The following MITF variants were observed in gnomAD, a reference collection of about 807,000 sequenced individuals.
MITF encodes the protein melanocyte inducing transcription factor.
MITF carries 17 observed loss-of-function variants against 60.5 expected under a neutral mutation model. The observed-to-expected ratio is 0.28, with a 90% confidence interval of 0.19 to 0.42. The LOEUF is 0.42. Among genes scored for constraint, MITF ranks in the 10% least tolerant of loss-of-function variants. The pLI, the probability that MITF is intolerant of heterozygous loss-of-function variation, is 1.00. For missense variants in MITF, 622 were observed against 683.5 expected (o/e 0.91, Z 1.00); for synonymous variants, 260 against 248.5 (o/e 1.05, Z -0.43).
At chr3:69,952,035 A>C (rs2066267912) in intron 7 of MITF, 149 bp downstream of exon 7, 5 of 669,610 alleles carry the variant, frequency 7.5e-6, no homozygotes, top group African/African-American at 1.8e-5. Flanking sequence ...ACAGAAACCA[A>C]GGTATATATT....
At chr3:69,876,436 G>A (rs1421698808) in intron 1 of MITF, among the ~76,000 whole-genome samples, 1 of 150,324 alleles carries the variant, frequency 6.7e-6, no homozygotes. Context: ...CACCCGCCAT[G>A]CCCCTCATCA....
chr3:69,912,460 G>A (rs1055344180), intron 2 of MITF, among the ~76,000 whole-genome samples: 10 of 152,118 alleles, frequency 6.6e-5, no homozygotes, highest in Non-Finnish European at 7.4e-5. Flanking sequence ...GTAATGAGGC[G>A]CATCTCAACC....
intron 2 of MITF, among the ~76,000 whole-genome samples, chr3:69,904,953 C>A (rs2065066302): frequency 6.6e-6 from 1 of 152,034 alleles, no homozygotes; most frequent in South Asian, 2.1e-4. Flanking sequence ...ATAGCTATTT[C>A]TTATTATTTT....
chr3:69,839,096 T>C (rs2107131872), intron 1 of MITF, among the ~76,000 whole-genome samples: 1 of 152,344 alleles, frequency 6.6e-6, no homozygotes, highest in East Asian at 1.9e-4. Flanking sequence ...TTTTTCATTT[T>C]TTTCATTTTT....
intron 1 of MITF, among the ~76,000 whole-genome samples, chr3:69,750,406 T>C (rs1278790394): frequency 6.6e-6 from 1 of 151,172 alleles, no homozygotes; most frequent in East Asian, 1.9e-4. Flanking sequence ...TTTTTTCCTT[T>C]TTTAAAAACC....
chr3:69,930,788 G>A (rs1210457975), intron 2 of MITF, among the ~76,000 whole-genome samples: 2 of 152,190 alleles, frequency 1.3e-5, no homozygotes, highest in Admixed American at 6.5e-5. Flanking sequence ...CAGACTTGTG[G>A]CATCACACTC....
chr3:69,807,181 T>C (rs541701757), intron 1 of MITF, among the ~76,000 whole-genome samples: 6 of 152,350 alleles, frequency 3.9e-5, no homozygotes, highest in African/African-American at 1.4e-4. Context: ...TTGGTGGTCT[T>C]ATTGCCTGAC....
chr3:69,926,466 T>G (rs904156485), intron 2 of MITF, among the ~76,000 whole-genome samples: 4 of 152,212 alleles, frequency 2.6e-5, no homozygotes, highest in Non-Finnish European at 5.9e-5. Context: ...GCCAGTTTCT[T>G]AAGAGTGTCG....
At chr3:69,755,122 T>C (rs1704086302) in intron 1 of MITF, among the ~76,000 whole-genome samples, 1 of 152,242 alleles carries the variant, frequency 6.6e-6, no homozygotes, top group African/African-American at 2.4e-5. Flanking sequence ...TTACTTTTGT[T>C]GCCAGAACAA....
At chr3:69,866,313 T>C (rs747470259) in intron 1 of MITF, 11 of 1,613,776 alleles carry the variant, frequency 6.8e-6, no homozygotes, top group Admixed American at 1.7e-5. Context: ...AGAGTTCAGA[T>C]GTTCATGCCA....
intron 1 of MITF, among the ~76,000 whole-genome samples, chr3:69,759,842 A>T (rs1195137481): frequency 6.6e-6 from 1 of 152,036 alleles, no homozygotes; most frequent in Non-Finnish European, 1.5e-5. Flanking sequence ...CAGTGGCACG[A>T]TCTCGGCTCA....
chr3:69,964,127 C>T (rs1032341289), intron 9 of MITF, among the ~76,000 whole-genome samples: 6 of 152,042 alleles, frequency 3.9e-5, no homozygotes, highest in Admixed American at 1.3e-4. Context: ...CAGGCATGTG[C>T]CACCACACCT....
chr3:69,761,090 C>T (rs191064298), intron 1 of MITF, among the ~76,000 whole-genome samples: 30 of 152,130 alleles, frequency 2.0e-4, no homozygotes, highest in Admixed American at 1.0e-3. Context: ...TACAGATATG[C>T]CTTGTGTTAG....
chr3:69,958,866 C>T (rs904862820), intron 8 of MITF, among the ~76,000 whole-genome samples: 5 of 152,106 alleles, frequency 3.3e-5, no homozygotes, highest in Non-Finnish European at 5.9e-5. Context: ...TTAAGTAAGA[C>T]AATGTGTACA....
chr3:69,947,395 G>C (rs542334209), intron 5 of MITF, among the ~76,000 whole-genome samples: 68 of 152,170 alleles, frequency 4.5e-4, no homozygotes, highest in Non-Finnish European at 6.3e-4. Flanking sequence ...ACATGTGAGT[G>C]CCTTTCACTT....
intron 2 of MITF, chr3:69,936,866 G>A: frequency 3.1e-6 from 3 of 975,918 alleles, no homozygotes; most frequent in Non-Finnish European, 4.7e-6. Flanking sequence ...GTATAAATCT[G>A]CTCTTTTAAT....
intron 2 of MITF, among the ~76,000 whole-genome samples, chr3:69,922,284 CA>C (rs2065485035): frequency 6.6e-6 from 1 of 152,070 alleles, no homozygotes; most frequent in African/African-American, 2.4e-5. Flanking sequence ...TGCGGTGGCA[CA>C]ATCTCAGCTC....
intron 1 of MITF, among the ~76,000 whole-genome samples, chr3:69,751,435 G>A (rs1212460448): frequency 6.6e-6 from 1 of 152,110 alleles, no homozygotes; most frequent in African/African-American, 2.4e-5. Context: ...CAGACTGTGA[G>A]AAGGAAGGGC....
intron 2 of MITF, among the ~76,000 whole-genome samples, chr3:69,899,469 G>A (rs772511658): frequency 1.1e-4 from 17 of 152,310 alleles, no homozygotes; most frequent in Non-Finnish European, 1.8e-4. Flanking sequence ...TAGGCTAGGG[G>A]AGCCACACCT....
Sources: allele counts gnomAD v4.1 joint callset (sites outside exome capture counted in the v4.1 genomes callset), GRCh38; gene constraint gnomAD v4.1.1; transcripts MANE v1.5; gene names NCBI Gene and HGNC (gene_info 2026-07-23, HGNC 2026-07-21).